Variants in GALNT16 observed in about 807,000 individuals in gnomAD.
GALNT16 encodes UDP-GalNAc:polypeptide N-acetylgalactosaminyltransferase-like protein 1.
A neutral mutation model predicts 76.1 loss-of-function variants in GALNT16; 40 were observed. The ratio of observed to expected loss-of-function variants is 0.53; its 90% CI spans 0.41 to 0.68. The LOEUF (loss-of-function observed/expected upper bound fraction) is 0.68, where lower values mean the gene tolerates loss of function less well. GALNT16 is among the 30% of genes least tolerant of loss of function. The pLI, the probability that GALNT16 is intolerant of heterozygous loss-of-function variation, is 0.00. For missense variants in GALNT16, 621 were observed against 731.9 expected (o/e 0.85, Z 1.75); for synonymous variants, 276 against 285.2 (o/e 0.97, Z 0.32).
chr14:69,304,760 A>G (rs549969944), intron 1 of GALNT16, among the ~76,000 whole-genome samples: 76 of 152,306 alleles, frequency 5.0e-4, no homozygotes, highest in African/African-American at 1.8e-3. Flanking sequence ...ACTTGGCATA[A>G]TGTCCCCAAG....
chr14:69,263,696 G>A (rs780476473), intron 1 of GALNT16, among the ~76,000 whole-genome samples: 20 of 152,172 alleles, frequency 1.3e-4, no homozygotes, highest in South Asian at 6.2e-4. Flanking sequence ...ACAGGGTGTC[G>A]GCATGGCAAC....
At chr14:69,312,724 A>C (rs765100825) in intron 1 of GALNT16, among the ~76,000 whole-genome samples, 2 of 152,196 alleles carry the variant, frequency 1.3e-5, no homozygotes, top group Non-Finnish European at 2.9e-5. Context: ...CCAAGGAGTG[A>C]CAGCACTGGG....
chr14:69,263,592 G>A (rs982599949), intron 1 of GALNT16, among the ~76,000 whole-genome samples: 8 of 152,212 alleles, frequency 5.3e-5, no homozygotes, highest in Admixed American at 2.0e-4. Flanking sequence ...CTGCAGAAGC[G>A]CCTGGACCTG....
intron 7 of GALNT16, among the ~76,000 whole-genome samples, chr14:69,332,326 A>AG: frequency 6.6e-6 from 1 of 152,314 alleles, no homozygotes; most frequent in African/African-American, 2.4e-5. Context: ...ACAGTAGATA[A>AG]TAGTCACCTT....
rs780620549 is a variant in GALNT16, at chr14:69,341,747, C to G, written c.1254C>G (p.Asn418Lys). 6.2e-7 allele frequency: 1 copy of G among 1,612,228 alleles called. No homozygotes were observed. The highest frequency in any genetic ancestry group is 8.5e-7 in the Non-Finnish European group (1 of 1,178,556). The change falls in exon 12 of 15, where the codon AAC (asparagine) becomes AAG (lysine). Residue 418 changes from asparagine (N) to lysine (K), a missense_variant. By Grantham distance (94) the Asn-to-Lys change is moderately conservative. Coordinates refer to ENST00000448469, the MANE Select transcript of GALNT16 (RefSeq NM_001168368.2). The stretch of plus-strand genomic sequence containing the variant: ...AGTCCTTCCGCTGGTACCTGGAGAA[C>G]GTCTACCCAGAGCTCACGTGAGTGC... ...NCKSFRWYLE[N>K]VYPELTVPVK... is the part of the protein sequence containing the mutation.
chr14:69,316,302 T>G (rs2045099430), intron 1 of GALNT16, among the ~76,000 whole-genome samples: 1 of 152,172 alleles, frequency 6.6e-6, no homozygotes, highest in Non-Finnish European at 1.5e-5. Flanking sequence ...ACACATGTAT[T>G]CAGTAGCTAT....
At chr14:69,285,598 T>C (rs1161771519) in intron 1 of GALNT16, among the ~76,000 whole-genome samples, 1 of 152,224 alleles carries the variant, frequency 6.6e-6, no homozygotes, top group Non-Finnish European at 1.5e-5. Context: ...ATTTTGTACC[T>C]GCACAATGTA....
At chr14:69,345,227 G>A (rs993091094) in intron 12 of GALNT16, among the ~76,000 whole-genome samples, 6 of 152,184 alleles carry the variant, frequency 3.9e-5, no homozygotes, top group African/African-American at 1.4e-4. Context: ...CGCTATGCAG[G>A]TCAGACCATG....
intron 1 of GALNT16, among the ~76,000 whole-genome samples, chr14:69,269,788 GTGTC>G (rs1231269875): frequency 6.7e-6 from 1 of 149,690 alleles, no homozygotes; most frequent in African/African-American, 2.5e-5. Context: ...ATGTGTGTGT[GTGTC>G]TGTGTGCATT....
intron 6 of GALNT16, 131 bp downstream of exon 6, chr14:69,328,702 T>G: frequency 1.2e-6 from 1 of 822,008 alleles, no homozygotes; most frequent in Non-Finnish European, 1.9e-6. Flanking sequence ...TACTTCCCCC[T>G]GAGTGACTTC....
At chr14:69,264,271 C>T (rs1355319917) in intron 1 of GALNT16, among the ~76,000 whole-genome samples, 4 of 152,116 alleles carry the variant, frequency 2.6e-5, no homozygotes, top group Non-Finnish European at 5.9e-5. Flanking sequence ...ACTGAATGAC[C>T]ATGGACACAA....
At chr14:69,355,885 A>G (rs2045689130), downstream of GALNT16, 1 of 152,250 alleles carries the variant, frequency 6.6e-6, no homozygotes, top group African/African-American at 2.4e-5. Context: ...AACCTGGACA[A>G]TATGACTGTC....
At chr14:69,296,357 G>A (rs182624327) in intron 1 of GALNT16, among the ~76,000 whole-genome samples, 2 of 152,140 alleles carry the variant, frequency 1.3e-5, no homozygotes, top group African/African-American at 4.8e-5. Flanking sequence ...GATTTGGGTG[G>A]GAACGCAGAG....
chr14:69,279,837 G>A (rs1270688332), intron 1 of GALNT16, among the ~76,000 whole-genome samples: 1 of 152,200 alleles, frequency 6.6e-6, no homozygotes, highest in Non-Finnish European at 1.5e-5. Flanking sequence ...AGGGGGCCTA[G>A]GCCAAGAAAT....
the GALNT16 span, among the ~76,000 whole-genome samples, chr14:69,372,320 C>T: frequency 9.9e-5 from 15 of 152,214 alleles, no homozygotes; most frequent in Non-Finnish European, 1.0e-4. Context: ...TGGCTGCAAA[C>T]ACTGACTCAC....
At chr14:69,376,857 C>T in the GALNT16 span, among the ~76,000 whole-genome samples, 3 of 152,080 alleles carry the variant, frequency 2.0e-5, no homozygotes, top group Non-Finnish European at 2.9e-5. Context: ...CTTGTAAATG[C>T]GGCATGCTCC....
At chr14:69,269,281 ATGTGTGG>A (rs1350794923) in intron 1 of GALNT16, among the ~76,000 whole-genome samples, 1 of 151,488 alleles carries the variant, frequency 6.6e-6, no homozygotes, top group Non-Finnish European at 1.5e-5. Flanking sequence ...TGTGTGTGGT[ATGTGTGG>A]TGTGTGGTGT....
chr14:69,382,964 T>C, the GALNT16 span, among the ~76,000 whole-genome samples: 3 of 152,168 alleles, frequency 2.0e-5, no homozygotes. Context: ...AATGTAGGTT[T>C]ATATAAGAAC....
intron 1 of GALNT16, among the ~76,000 whole-genome samples, chr14:69,307,557 A>G (rs72625677): frequency 0.066 from 9,964 of 152,064 alleles, 608 homozygotes; most frequent in East Asian, 0.32. Context: ...TTGACACCCC[A>G]AGGCAGTACC....
Sources: allele counts gnomAD v4.1 joint callset (sites outside exome capture counted in the v4.1 genomes callset), GRCh38; gene constraint gnomAD v4.1.1; transcripts MANE v1.5; gene names NCBI Gene and HGNC (gene_info 2026-07-23, HGNC 2026-07-21).